The following PCDH15 variants were observed in gnomAD, a reference collection of about 807,000 sequenced individuals.
PCDH15 encodes protocadherin-15.
Under a neutral mutation model 178.5 loss-of-function variants are expected in PCDH15, and 129 were observed. That is an observed-to-expected ratio of 0.72 (90% CI 0.63 to 0.84). PCDH15 has a LOEUF of 0.84. PCDH15 is among the 40% of genes least tolerant of loss of function. PCDH15 has a pLI of 0.00. For synonymous variants in PCDH15, 800 were observed against 732.0 expected, an observed-to-expected ratio of 1.09 and a Z score of -1.50; for missense variants, 2,230 against 2,099.9, an observed-to-expected ratio of 1.06 and a Z score of -1.21.
intron 2 of PCDH15, among the ~76,000 whole-genome samples, chr10:55,535,943 A>C (rs1201886234): frequency 6.6e-6 from 1 of 152,048 alleles, no homozygotes; most frequent in African/African-American, 2.4e-5. Flanking sequence ...AATACAATGC[A>C]GTCAAACGTT....
intron 1 of PCDH15, among the ~76,000 whole-genome samples, chr10:55,264,572 C>T (rs1274872912): frequency 2.6e-5 from 4 of 152,150 alleles, no homozygotes; most frequent in Non-Finnish European, 5.9e-5. Flanking sequence ...CTTTATCACA[C>T]CCTGGGTTTT....
intron 1 of PCDH15, among the ~76,000 whole-genome samples, chr10:55,305,673 A>T (rs185694268): frequency 6.6e-6 from 1 of 152,298 alleles, no homozygotes; most frequent in Non-Finnish European, 1.5e-5. Context: ...TCTGATTTAC[A>T]ATTCTTTCCC....
At chr10:54,021,744 AACT>A (rs2092927396) in intron 19 of PCDH15, among the ~76,000 whole-genome samples, 1 of 151,910 alleles carries the variant, frequency 6.6e-6, no homozygotes, top group Non-Finnish European at 1.5e-5. Context: ...CCTACGTTTT[AACT>A]ACTAATTTTC....
At chr10:55,194,014 G>A (rs1395228683) in intron 1 of PCDH15, among the ~76,000 whole-genome samples, 1 of 151,924 alleles carries the variant, frequency 6.6e-6, no homozygotes, top group Non-Finnish European at 1.5e-5. Context: ...ACCAAGTACA[G>A]TGCTAAGTTA....
At chr10:54,191,662 A>T (rs187191830) in intron 11 of PCDH15, among the ~76,000 whole-genome samples, 6 of 151,930 alleles carry the variant, frequency 3.9e-5, no homozygotes, top group Admixed American at 3.3e-4. Context: ...TCATGCCTGT[A>T]AACCCGAGCA....
intron 3 of PCDH15, among the ~76,000 whole-genome samples, chr10:54,426,112 C>G (rs1956241777): frequency 6.6e-6 from 1 of 152,136 alleles, no homozygotes; most frequent in Non-Finnish European, 1.5e-5. Context: ...CCAAGATATT[C>G]TTGTATCCTC....
intron 2 of PCDH15, among the ~76,000 whole-genome samples, chr10:54,918,620 C>G (rs117888350): frequency 0.018 from 2,773 of 152,230 alleles, 43 homozygotes; most frequent in Non-Finnish European, 0.027. Flanking sequence ...TGCACTAACA[C>G]CAGCATGAGC....
chr10:55,386,963 G>A (rs1837676604), intron 2 of PCDH15, among the ~76,000 whole-genome samples: 1 of 152,000 alleles, frequency 6.6e-6, no homozygotes, highest in African/African-American at 2.4e-5. Flanking sequence ...CTGTGTGCAT[G>A]TCCACATATA....
intron 3 of PCDH15, among the ~76,000 whole-genome samples, chr10:54,455,449 T>C (rs2076753687): frequency 6.6e-6 from 1 of 152,120 alleles, no homozygotes; most frequent in Non-Finnish European, 1.5e-5. Context: ...AAGTCAATGT[T>C]GAGGTCTTGA....
At position 54,217,333 on chromosome 10, in the gene PCDH15, T is replaced by C. The variant is rs147873005; in HGVS notation, c.986-3285A>G. ...GTGAATTTTAAAAGTAGTACTGACA[T>C]CACACCCACAGTGTAATATAGGTGA... On this transcript the variant is annotated intron_variant, in intron 9 of 37. Coordinates refer to ENST00000644397, the MANE Select transcript of PCDH15 (RefSeq NM_001384140.1). Among the ~76,000 whole-genome samples the C allele has an allele frequency of 4.3e-3, 652 of 152,240 alleles. 5 individuals are homozygous for C. The highest frequency in any genetic ancestry group is 0.014 in the African/African-American group (599 of 41,556).
At chr10:55,525,801 A>G (rs1206261647) in intron 2 of PCDH15, among the ~76,000 whole-genome samples, 1 of 151,916 alleles carries the variant, frequency 6.6e-6, no homozygotes, top group Non-Finnish European at 1.5e-5. Context: ...ATCTGTCTTC[A>G]TAATTTTACT....
chr10:55,372,591 AGAG>A (rs1395302663), intron 2 of PCDH15, among the ~76,000 whole-genome samples: 4 of 152,140 alleles, frequency 2.6e-5, no homozygotes. Flanking sequence ...AATCAGAGCA[AGAG>A]GAGGCTTTTC....
intron 14 of PCDH15, among the ~76,000 whole-genome samples, chr10:54,138,641 C>T (rs2043103585): frequency 6.6e-6 from 1 of 152,120 alleles, no homozygotes. Context: ...ATGTGATGTT[C>T]TCTTGTGATG....
Position 55,276,762 on chromosome 10 carries a change from G to C in PCDH15, c.-156+42837C>G, listed in dbSNP as rs1244715879. 2.0e-5 allele frequency among the ~76,000 whole-genome samples: 3 copies of C among 151,484 alleles called. No individual in the cohort carries two copies. The South Asian group carries it at 6.2e-4, about 32-fold the overall frequency. ...CTCAGGATCATTTGGTATAAAATTG[G>C]ACGCATTATTTCCTTAAATATATAA... On this transcript the variant is annotated intron_variant, in intron 1 of 5. Coordinates refer to the PCDH15 transcript ENST00000458638.
intron 1 of PCDH15, among the ~76,000 whole-genome samples, chr10:55,178,425 G>A (rs979830088): frequency 1.3e-5 from 2 of 152,136 alleles, no homozygotes. Context: ...ATCAGAGTAT[G>A]GCAAACTTCA....
At chr10:54,020,538 T>C (rs181306589) in intron 19 of PCDH15, 122 bp from the exon 20 acceptor site, 64 of 984,976 alleles carry the variant, frequency 6.5e-5, no homozygotes, top group African/African-American at 6.2e-4. Flanking sequence ...AAAAGACACG[T>C]TTTTTGTTTT....
chr10:54,390,904 T>C (rs1950475404), intron 3 of PCDH15, among the ~76,000 whole-genome samples: 1 of 152,134 alleles, frequency 6.6e-6, no homozygotes, highest in African/African-American at 2.4e-5. Context: ...TCCCTTTTCT[T>C]CCCCAGTGCC....
chr10:54,335,877 G>A (rs890713761), intron 6 of PCDH15, among the ~76,000 whole-genome samples: 1 of 152,156 alleles, frequency 6.6e-6, no homozygotes, highest in Non-Finnish European at 1.5e-5. Flanking sequence ...AGTTTGGAGG[G>A]CTCAGAAGGA....
chr10:55,329,143 T>C (rs555554540), intron 2 of PCDH15, among the ~76,000 whole-genome samples: 15 of 150,476 alleles, frequency 1.0e-4, no homozygotes, highest in South Asian at 2.1e-4. Flanking sequence ...ACAATAATGG[T>C]ATGGAATATT....
Sources: gnomAD v4.1 joint callset for allele counts (sites outside exome capture counted in the v4.1 genomes callset) on GRCh38, gnomAD v4.1.1 for gene constraint, MANE v1.5 for transcripts, NCBI Gene and HGNC (gene_info 2026-07-23, HGNC 2026-07-21) for gene names.